The following VEGFC variants were observed in gnomAD, a reference collection of about 807,000 sequenced individuals.
VEGFC encodes vascular endothelial growth factor C.
In VEGFC, 12 loss-of-function variants were observed where a neutral mutation model predicts 46.1. The ratio of observed to expected loss-of-function variants is 0.26; its 90% CI spans 0.17 to 0.42. The LOEUF is 0.42. Among genes scored for constraint, VEGFC ranks in the 10% least tolerant of loss-of-function variants. VEGFC has a pLI of 1.00. For synonymous variants in VEGFC, 232 were observed against 195.5 expected (o/e 1.19, Z -1.56); for missense variants, 488 against 529.4 (o/e 0.92, Z 0.77).
chr4:176,762,205 C>A (rs1735542029), intron 1 of VEGFC, among the ~76,000 whole-genome samples: 1 of 152,024 alleles, frequency 6.6e-6, no homozygotes, highest in Admixed American at 6.6e-5. Context: ...TTTGAATGTC[C>A]CCTCCAAAAC....
chr4:176,690,628 T>G (rs202074532), intron 4 of VEGFC, among the ~76,000 whole-genome samples: 1 of 47,428 alleles, frequency 2.1e-5, no homozygotes, highest in African/African-American at 3.5e-5. Flanking sequence ...ACAGTATCAT[T>G]GTTTTTAAAA....
chr4:176,781,352 C>A (rs894770817), intron 1 of VEGFC, among the ~76,000 whole-genome samples: 2 of 152,036 alleles, frequency 1.3e-5, no homozygotes, highest in African/African-American at 4.8e-5. Context: ...TAAGTGTTCT[C>A]TTTTTTCAAA....
intron 1 of VEGFC, among the ~76,000 whole-genome samples, chr4:176,759,827 G>T (rs755268736): frequency 2.0e-5 from 3 of 151,980 alleles, no homozygotes; most frequent in Non-Finnish European, 4.4e-5. Context: ...TGCAGCAATT[G>T]GTTTATATCG....
In VEGFC at chr4:176,765,680, C is replaced by A. The variant is rs538108078; in HGVS notation, c.147+26485G>T. ...ACGCCATTCTCCTGCCTCAGCCTCC[C>A]GAGTAGCTGGACTACAGGTGCCCGC... On this transcript the variant is annotated intron_variant, in intron 1 of 6. Transcript: ENST00000618562. 1.6e-4 allele frequency among the ~76,000 whole-genome samples: 24 copies of A among 151,776 alleles called. 1 individual carries two copies. The South Asian group carries it at 5.0e-3, about 32-fold the overall frequency.
chr4:176,684,221 T>C (rs1365221827), intron 6 of VEGFC, among the ~76,000 whole-genome samples, 181 bp from the exon 7 acceptor site: 3 of 152,190 alleles, frequency 2.0e-5, no homozygotes, highest in Admixed American at 6.5e-5. Flanking sequence ...TTAAGAGGAA[T>C]GGAAAAGCCT....
intron 1 of VEGFC, among the ~76,000 whole-genome samples, chr4:176,786,274 G>T (rs1358462255): frequency 6.6e-6 from 1 of 152,104 alleles, no homozygotes; most frequent in African/African-American, 2.4e-5. Context: ...CTTTCTCTTT[G>T]GTTTTCACAC....
At chr4:176,743,393 T>C (rs1195889955) in intron 1 of VEGFC, among the ~76,000 whole-genome samples, 2 of 151,846 alleles carry the variant, frequency 1.3e-5, no homozygotes, top group African/African-American at 2.4e-5. Flanking sequence ...CCAATAAAAA[T>C]TGTACAATAG....
At chr4:176,719,890 A>G (rs1361398833) in intron 3 of VEGFC, among the ~76,000 whole-genome samples, 1 of 151,960 alleles carries the variant, frequency 6.6e-6, no homozygotes, top group African/African-American at 2.4e-5. Context: ...GTGAAAACCT[A>G]TCTCTATTAA....
At chr4:176,720,952 A>G (rs1734776731) in intron 3 of VEGFC, among the ~76,000 whole-genome samples, 1 of 152,150 alleles carries the variant, frequency 6.6e-6, no homozygotes, top group Non-Finnish European at 1.5e-5. Context: ...GGAAGCACAT[A>G]ACAGAATGTC....
intron 1 of VEGFC, among the ~76,000 whole-genome samples, chr4:176,788,315 C>A (rs1371657102): frequency 6.6e-6 from 1 of 152,214 alleles, no homozygotes; most frequent in Non-Finnish European, 1.5e-5. Flanking sequence ...TTCCGTTTGT[C>A]CCGTTGTGGG....
At chr4:176,685,020 C>A (rs1254283467) in intron 6 of VEGFC, among the ~76,000 whole-genome samples, 2 of 152,108 alleles carry the variant, frequency 1.3e-5, no homozygotes, top group Non-Finnish European at 2.9e-5. Context: ...AGCCACCACG[C>A]CTGGTGAGAA....
chr4:176,743,572 T>A (rs894928885), intron 1 of VEGFC, among the ~76,000 whole-genome samples: 2 of 150,100 alleles, frequency 1.3e-5, no homozygotes, highest in Non-Finnish European at 3.0e-5. Context: ...AAACAATATA[T>A]TATACCGATA....
intron 1 of VEGFC, among the ~76,000 whole-genome samples, chr4:176,768,038 C>T (rs973327465): frequency 2.0e-5 from 3 of 152,146 alleles, no homozygotes; most frequent in Admixed American, 1.3e-4. Flanking sequence ...TGAATTTTGA[C>T]TTGACCAACT....
intron 1 of VEGFC, among the ~76,000 whole-genome samples, chr4:176,784,257 T>G (rs925683067): frequency 4.0e-5 from 6 of 151,666 alleles, no homozygotes; most frequent in African/African-American, 1.5e-4. Context: ...TTTGTAGAGA[T>G]AGGGTTTTCC....
rs754628535 is a variant in VEGFC at position 176,792,218 on chromosome 4, A to AGGCGGC, written c.88_93dup (p.Ala30_Ala31dup). 3.8e-5 allele frequency: 59 copies of AGGCGGC among 1,561,608 alleles called. No individual in the cohort carries two copies. The highest frequency in any genetic ancestry group is 8.5e-5 in the African/African-American group (6 of 70,500). On this transcript the variant is annotated inframe_insertion, in exon 1 of 7. Coordinates refer to ENST00000618562, the MANE Select transcript of VEGFC (RefSeq NM_005429.5). The surrounding 1 kb of genome is among the most constrained non-coding windows in gnomAD (Gnocchi z 6.3). ...TCCGAGAGGTCGAGTCCGGACTCGA[A>AGGCGGC]GGCGGCGGCGGCGGCGGGCGCCTCG...
chr4:176,783,424 A>G lies in VEGFC; in HGVS notation c.147+8741T>C, dbSNP rs145054221. On this transcript the variant is annotated intron_variant, in intron 1 of 6. Transcript: ENST00000618562. ...AGAATGCATATTTATTTTTTGTGGC[A>G]ATAATATAGATGAGATATTTACACA... 3.0e-3 allele frequency among the ~76,000 whole-genome samples: 460 copies of G among 152,316 alleles called. 3 individuals are homozygous for G. Among genetic ancestry groups the G allele is most frequent in the African/African-American group, 9.6e-3 (397 of 41,566 alleles).
At chr4:176,722,494 T>TC (rs1256923951) in intron 3 of VEGFC, among the ~76,000 whole-genome samples, 2 of 148,544 alleles carry the variant, frequency 1.3e-5, no homozygotes, top group Non-Finnish European at 3.0e-5. Flanking sequence ...TTTTGTTTTT[T>TC]TTTTGTTTTT....
intron 3 of VEGFC, among the ~76,000 whole-genome samples, chr4:176,726,951 G>C (rs1182622697): frequency 2.6e-5 from 4 of 152,168 alleles, no homozygotes; most frequent in Admixed American, 6.5e-5. Context: ...AGGTCATTAG[G>C]ACAACCACAG....
intron 1 of VEGFC, among the ~76,000 whole-genome samples, chr4:176,746,401 A>G (rs902843989): frequency 2.0e-5 from 3 of 152,072 alleles, no homozygotes; most frequent in Admixed American, 1.3e-4. Context: ...AATCCCACTG[A>G]TGTCCAGGAG....
Sources: allele counts gnomAD v4.1 joint callset (sites outside exome capture counted in the v4.1 genomes callset), GRCh38; gene constraint gnomAD v4.1.1; non-coding constraint Gnocchi (gnomAD v3.1); transcripts MANE v1.5; gene names NCBI Gene and HGNC (gene_info 2026-07-23, HGNC 2026-07-21).